The following ARFGAP3 variants were observed in gnomAD, a reference collection of about 807,000 sequenced individuals.
ARFGAP3 encodes ADP-ribosylation factor GTPase-activating protein 3.
In ARFGAP3, 72 loss-of-function variants were observed where a neutral mutation model predicts 75.0. The observed-to-expected ratio is 0.96, with a 90% CI of 0.79 to 1.17. The LOEUF is 1.17. Ranked by LOEUF, ARFGAP3 falls within the 50% of genes most tolerant of loss-of-function variation. ARFGAP3 has a pLI of 0.00. For synonymous variants in ARFGAP3, 221 were observed against 217.9 expected (o/e 1.01, Z -0.13); for missense variants, 620 against 626.6 (o/e 0.99, Z 0.11).
Position 42,810,898 on chromosome 22 carries a change from A to C in ARFGAP3, c.1111T>G (p.Trp371Gly). Residue 371 changes from tryptophan to glycine, a missense_variant, in exon 12 of 16, where the codon TGG becomes GGG. Physicochemically the swap from Trp to Gly is radical, Grantham distance 184. Coordinates refer to ENST00000263245, the MANE Select transcript of ARFGAP3 (RefSeq NM_014570.5). The part of the protein sequence containing the change: ...VELRSSSFSS[W>G]DDSSDSYWKK... ...CAATAGGAATCTGAACTGTCATCCCAGCTAGAGAAAGAACTGCTCCTTAAC... is the reference window on the plus strand; with the variant it reads ...CAATAGGAATCTGAACTGTCATCCCCGCTAGAGAAAGAACTGCTCCTTAAC... The C allele has an allele frequency of 6.2e-7, 1 of 1,614,210 alleles. No homozygotes were observed. The highest frequency in any genetic ancestry group is 2.2e-5 in the East Asian group (1 of 44,890).
At chr22:42,800,196 G>A (rs1455108714) in intron 14 of ARFGAP3, among the ~76,000 whole-genome samples, 1 of 152,084 alleles carries the variant, frequency 6.6e-6, no homozygotes, top group African/African-American at 2.4e-5. Context: ...GCCACGCCCA[G>A]CTACTCCCTA....
At chr22:42,806,440 G>A (rs1050139788) in intron 14 of ARFGAP3, among the ~76,000 whole-genome samples, 2 of 152,236 alleles carry the variant, frequency 1.3e-5, no homozygotes, top group Non-Finnish European at 2.9e-5. Flanking sequence ...CTCCTCGCTG[G>A]GGTCTGAACC....
intron 2 of ARFGAP3, among the ~76,000 whole-genome samples, chr22:42,845,909 G>A (rs904424654): frequency 1.3e-5 from 2 of 151,688 alleles, no homozygotes; most frequent in Non-Finnish European, 2.9e-5. Context: ...GTGGTGGCGC[G>A]CACTTGTAAT....
At position 42,797,548 on chromosome 22, in the gene ARFGAP3, A is replaced by G. The variant is rs768019340; in HGVS notation, c.*40T>C. The G allele has an allele frequency of 2.5e-6, 4 of 1,613,996 alleles. 1 individual carries two copies. The South Asian group carries it at 4.4e-5, about 18-fold the overall frequency. ...GAGATGTGGTTACTTGTTCATTTAA[A>G]GAGGAATTTCTCCAGGAAATACACA... On this transcript the variant is annotated 3_prime_UTR_variant, in exon 16 of 16. Transcript: ENST00000263245.
intron 13 of ARFGAP3, among the ~76,000 whole-genome samples, chr22:42,808,338 C>T (rs2146531608): frequency 6.7e-6 from 1 of 150,178 alleles, no homozygotes; most frequent in South Asian, 2.1e-4. Context: ...GCGGAGGTTG[C>T]AGTAAGCTGA....
intron 11 of ARFGAP3, 51 bp from the exon 12 acceptor site, chr22:42,810,995 G>C (rs779413536): frequency 6.3e-7 from 1 of 1,591,290 alleles, no homozygotes; most frequent in Non-Finnish European, 8.5e-7. Flanking sequence ...GTTGACACTC[G>C]TCCTGGGCTC....
chr22:42,826,431 G>A (rs1236264649), intron 7 of ARFGAP3, among the ~76,000 whole-genome samples: 1 of 151,728 alleles, frequency 6.6e-6, no homozygotes, highest in Non-Finnish European at 1.5e-5. Flanking sequence ...CCAGGGCAGA[G>A]TGCAGTGGTG....
At chr22:42,799,339 A>G (rs11912192) in intron 14 of ARFGAP3, 179 bp from the exon 15 acceptor site, 25,683 of 689,456 alleles carry the variant, frequency 0.037, 713 homozygotes, top group African/African-American at 0.12. Flanking sequence ...CATGATCCAC[A>G]TGAGAGAATC....
intron 11 of ARFGAP3, among the ~76,000 whole-genome samples, chr22:42,814,470 T>C (rs969879042): frequency 9.9e-5 from 15 of 152,166 alleles, no homozygotes. Context: ...GGAGGTGTGG[T>C]CTATATAAAT....
At chr22:42,798,606 T>A (rs995707986) in intron 15 of ARFGAP3, among the ~76,000 whole-genome samples, 1 of 152,258 alleles carries the variant, frequency 6.6e-6, no homozygotes, top group Non-Finnish European at 1.5e-5. Context: ...TATAAAACCC[T>A]CTATACAATA....
chr22:42,851,411 G>C (rs1243639598), intron 1 of ARFGAP3, among the ~76,000 whole-genome samples: 1 of 152,226 alleles, frequency 6.6e-6, no homozygotes, highest in South Asian at 2.1e-4. Context: ...GGCATCCTCC[G>C]GACCCATCAC....
At chr22:42,832,601 T>C (rs1004682900) in intron 5 of ARFGAP3, among the ~76,000 whole-genome samples, 3 of 151,738 alleles carry the variant, frequency 2.0e-5, no homozygotes, top group African/African-American at 7.3e-5. Context: ...CAACAAATCG[T>C]GCTCCTTACC....
chr22:42,845,383 G>C (rs1356473869), intron 2 of ARFGAP3, among the ~76,000 whole-genome samples: 1 of 152,044 alleles, frequency 6.6e-6, no homozygotes, highest in Non-Finnish European at 1.5e-5. Context: ...AACTTAGATG[G>C]ACGTGGTGGC....
At chr22:42,832,303 A>C (rs1452298158) in intron 5 of ARFGAP3, among the ~76,000 whole-genome samples, 3 of 151,990 alleles carry the variant, frequency 2.0e-5, no homozygotes, top group Admixed American at 6.5e-5. Context: ...TGCGGCAGGC[A>C]GATCACCTGA....
At chr22:42,802,399 C>T (rs1308811843) in intron 14 of ARFGAP3, among the ~76,000 whole-genome samples, 8 of 151,550 alleles carry the variant, frequency 5.3e-5, no homozygotes, top group Non-Finnish European at 1.0e-4. Flanking sequence ...CATTCTCCTG[C>T]CTCAGCCTCT....
intron 14 of ARFGAP3, among the ~76,000 whole-genome samples, chr22:42,806,340 C>T (rs1482921383): frequency 1.4e-5 from 2 of 145,756 alleles, no homozygotes; most frequent in Admixed American, 6.8e-5. Flanking sequence ...GAGGGGAAGT[C>T]GAAGCAGAGG....
At chr22:42,805,332 CAG>C (rs1162184359) in intron 14 of ARFGAP3, among the ~76,000 whole-genome samples, 1 of 152,310 alleles carries the variant, frequency 6.6e-6, no homozygotes, top group East Asian at 1.9e-4. Context: ...AAAAAACAAA[CAG>C]TGCTTCAGAG....
intron 14 of ARFGAP3, among the ~76,000 whole-genome samples, chr22:42,805,656 C>T (rs1925085310): frequency 6.6e-6 from 1 of 152,206 alleles, no homozygotes; most frequent in African/African-American, 2.4e-5. Context: ...TAACTGACTG[C>T]CCAAGGGAAA....
At position 42,822,283 on chromosome 22, in the gene ARFGAP3, T is replaced by C. The variant is rs940175873; in HGVS notation, c.799A>G (p.Lys267Glu). ...AATTAAACTTACATTGATTCTTCTT[T>C]AGATACCACCTTGGCCAGGTCTTCC... ...EQEDLAKVVSKEESIVSSLRL... is the reference protein window; with the variant it reads ...EQEDLAKVVSEEESIVSSLRL... The change falls in exon 9 of 16, where the codon AAA becomes GAA. Residue 267 changes from lysine to glutamate, a missense_variant. Physicochemically the swap from Lys to Glu is moderately conservative, Grantham distance 56. Coordinates refer to ENST00000263245, the MANE Select transcript of ARFGAP3 (RefSeq NM_014570.5). 4 of 1,612,792 alleles carry C rather than the reference T, an allele frequency of 2.5e-6. No homozygotes were observed. The highest frequency in any genetic ancestry group is 2.7e-5 in the African/African-American group (2 of 74,776).
Sources: gnomAD v4.1 joint callset for allele counts (sites outside exome capture counted in the v4.1 genomes callset) on GRCh38, gnomAD v4.1.1 for gene constraint, MANE v1.5 for transcripts, NCBI Gene and HGNC (gene_info 2026-07-23, HGNC 2026-07-21) for gene names.